FANCB: variants seen among roughly 807,000 people sequenced by gnomAD.
The protein encoded by FANCB is Fanconi anemia group B protein.
In FANCB, 5 loss-of-function variants were observed where a neutral mutation model predicts 38.9. The observed-to-expected ratio is 0.13, with a 90% confidence interval of 0.07 to 0.27. FANCB has a LOEUF of 0.27. Ranked by LOEUF, FANCB falls within the 10% of genes least tolerant of loss-of-function variation. The pLI, the probability that FANCB is intolerant of heterozygous loss-of-function variation, is 1.00. For synonymous variants in FANCB, 236 were observed against 215.4 expected, an observed-to-expected ratio of 1.10 and a Z score of -0.84; for missense variants, 573 against 602.7, an observed-to-expected ratio of 0.95 and a Z score of 0.52.
the FANCB span, chrX:14,690,963 A>C: frequency 1.1e-6 from 1 of 894,312 alleles, no homozygotes; most frequent in Non-Finnish European, 1.6e-6. Context: ...AGCCAAGGTT[A>C]ATTTTTGTTC....
At chrX:14,823,723 T>C in the FANCB span, among the ~76,000 whole-genome samples, 1 of 112,224 alleles carries the variant, frequency 8.9e-6, no homozygotes, top group Non-Finnish European at 1.9e-5. Context: ...TTTTAAGATA[T>C]AGTTTGATAA....
chrX:14,704,918 G>T, the FANCB span, among the ~76,000 whole-genome samples: 1 of 112,050 alleles, frequency 8.9e-6, no homozygotes, highest in South Asian at 3.7e-4. Context: ...AGAATTTTAA[G>T]AACCATAAGA....
At chrX:14,777,780 C>T in the FANCB span, among the ~76,000 whole-genome samples, 2 of 112,331 alleles carry the variant, frequency 1.8e-5, no homozygotes, top group African/African-American at 6.5e-5. Flanking sequence ...CCTCCTGTCC[C>T]CAACAAAATG....
chrX:14,856,245 C>A lies in FANCB; in HGVS notation c.1197+1617G>T, dbSNP rs181799616. Among the ~76,000 whole-genome samples the A allele has an allele frequency of 3.1e-3, 351 of 111,434 alleles. 1 individual carries two copies. The highest frequency in any genetic ancestry group is 0.01 in the African/African-American group (317 of 30,746). Reference sequence around the variant, plus strand: ...AACATTCTTGTAAAATCATCTTCATCCTTAGAAGAGATTTCTAGAAGTGAA... The same window carrying A: ...AACATTCTTGTAAAATCATCTTCATACTTAGAAGAGATTTCTAGAAGTGAA... On this transcript the variant is annotated intron_variant, in intron 5 of 9. Transcript: ENST00000650831.
the FANCB span, among the ~76,000 whole-genome samples, chrX:14,814,105 G>A: frequency 8.9e-6 from 1 of 111,767 alleles, no homozygotes; most frequent in Non-Finnish European, 1.9e-5. Context: ...ATGGTGCTGG[G>A]AAAACTGGCT....
chrX:14,821,426 A>G, the FANCB span, among the ~76,000 whole-genome samples: 3 of 111,788 alleles, frequency 2.7e-5, no homozygotes, highest in Non-Finnish European at 5.6e-5. Context: ...TAAGCAGGGA[A>G]AAGAGTCTAT....
At chrX:14,700,029 G>T in the FANCB span, among the ~76,000 whole-genome samples, 1 of 111,227 alleles carries the variant, frequency 9.0e-6, no homozygotes, top group Non-Finnish European at 1.9e-5. Context: ...ATGGGTACTA[G>T]GCTTAAGACC....
Position 14,864,985 on chromosome X carries a change from T to A in FANCB, c.526A>T (p.Ile176Phe), listed in dbSNP as rs1208436363. ...NFSSIQWAGE[I>F]ENLGMVLLGL... ...AATAAAACCATACCTAAATTTTCAA[T>A]CTCCCCTGCCCACTGAATAGAGGAA... Residue 176 changes from isoleucine to phenylalanine, a missense_variant, in exon 3 of 10, where the codon ATT becomes TTT. Physicochemically the swap from Ile to Phe is conservative, Grantham distance 21. Transcript: ENST00000650831. The A allele has an allele frequency of 3.2e-5, 39 of 1,209,269 alleles. No individual in the cohort carries two copies. Among genetic ancestry groups the A allele is most frequent in the Non-Finnish European group, 4.4e-5 (39 of 894,917 alleles).
chrX:14,793,361 G>A, the FANCB span, among the ~76,000 whole-genome samples: 1 of 111,978 alleles, frequency 8.9e-6, no homozygotes, highest in East Asian at 2.8e-4. Flanking sequence ...TAGCAAATGT[G>A]TAGTAGATTG....
At chrX:14,755,505 C>G in the FANCB span, among the ~76,000 whole-genome samples, 1 of 111,441 alleles carries the variant, frequency 9.0e-6, no homozygotes, top group African/African-American at 3.3e-5. Flanking sequence ...CGTACCAGTA[C>G]CAAACTTAAT....
chrX:14,741,690 T>A, the FANCB span, among the ~76,000 whole-genome samples: 1 of 112,096 alleles, frequency 8.9e-6, no homozygotes, highest in Non-Finnish European at 1.9e-5. Flanking sequence ...TAACTCATAG[T>A]ATTCAAAAGG....
the FANCB span, among the ~76,000 whole-genome samples, chrX:14,755,483 G>A: frequency 8.9e-6 from 1 of 111,747 alleles, no homozygotes; most frequent in African/African-American, 3.2e-5. Context: ...ATGAAAGTCA[G>A]TAACATTTCT....
downstream of FANCB, among the ~76,000 whole-genome samples, chrX:14,834,062 G>A (rs919683778): frequency 1.8e-5 from 2 of 111,607 alleles, no homozygotes; most frequent in Admixed American, 1.9e-4. Flanking sequence ...AAGGCTCAAG[G>A]CAAAACCCCC....
chrX:14,720,904 G>T, the FANCB span, among the ~76,000 whole-genome samples: 1 of 110,571 alleles, frequency 9.0e-6, no homozygotes, highest in African/African-American at 3.3e-5. Context: ...GACCAAGATG[G>T]GAGGATTGCT....
chrX:14,837,117 A>G (rs774799515), intron 10 of FANCB, among the ~76,000 whole-genome samples: 25 of 112,700 alleles, frequency 2.2e-4, no homozygotes, highest in Non-Finnish European at 3.9e-4. Flanking sequence ...AATGTTTTCT[A>G]TAGGCATATC....
chrX:14,803,272 C>T, the FANCB span, among the ~76,000 whole-genome samples: 363 of 111,968 alleles, frequency 3.2e-3, 3 homozygotes, highest in African/African-American at 0.011. Flanking sequence ...AGTTTGTATA[C>T]ACAAAAAGAA....
chrX:14,823,035 C>T, the FANCB span, among the ~76,000 whole-genome samples: 1 of 103,222 alleles, frequency 9.7e-6, no homozygotes, highest in South Asian at 4.3e-4. Flanking sequence ...TGCTAGTTTG[C>T]TTTGGGTTAA....
the FANCB span, among the ~76,000 whole-genome samples, chrX:14,775,562 T>C: frequency 9.0e-6 from 1 of 111,322 alleles, no homozygotes; most frequent in Non-Finnish European, 1.9e-5. Flanking sequence ...AAGTCTCAGC[T>C]TGAGCTTATG....
At chrX:14,696,236 G>A in the FANCB span, among the ~76,000 whole-genome samples, 1 of 90,506 alleles carries the variant, frequency 1.1e-5, no homozygotes, top group African/African-American at 4.0e-5. Flanking sequence ...GGGAGGGAGG[G>A]AGGGACGGAA....
Sources: gnomAD v4.1 joint callset for allele counts (sites outside exome capture counted in the v4.1 genomes callset) on GRCh38, gnomAD v4.1.1 for gene constraint, MANE v1.5 for transcripts, NCBI Gene and HGNC (gene_info 2026-07-23, HGNC 2026-07-21) for gene names.